Variants in MRPL13 observed in about 807,000 individuals in gnomAD.
The protein encoded by MRPL13 is mitochondrial ribosomal protein L13, also known as large ribosomal subunit protein uL13m.
In MRPL13, 33 loss-of-function variants were observed where a neutral mutation model predicts 29.0. That is an observed-to-expected ratio of 1.14 (90% CI 0.86 to 1.52). The LOEUF is 1.52. Among genes scored for constraint, MRPL13 ranks in the 40% most tolerant of loss-of-function variants. The probability of loss-of-function intolerance (pLI) is 0.00; values close to 1 mark genes in which losing one functional copy is unlikely to be tolerated. For synonymous variants in MRPL13, 77 were observed against 68.4 expected (o/e 1.13, Z -0.62); for missense variants, 227 against 216.7 (o/e 1.05, Z -0.30).
chr8:120,406,641 T>C (rs1425949799), intron 6 of MRPL13, among the ~76,000 whole-genome samples: 1 of 150,708 alleles, frequency 6.6e-6, no homozygotes, highest in Non-Finnish European at 1.5e-5. Flanking sequence ...ACAATTTATA[T>C]ATAGTATACT....
At chr8:120,400,741 T>TA (rs200517890) in intron 6 of MRPL13, among the ~76,000 whole-genome samples, 1 of 83,098 alleles carries the variant, frequency 1.2e-5, no homozygotes, top group African/African-American at 4.0e-5. Flanking sequence ...AATAAATAAA[T>TA]AAAAAAAATA....
At chr8:120,442,382 T>A (rs1349925279) in intron 2 of MRPL13, among the ~76,000 whole-genome samples, 1 of 152,196 alleles carries the variant, frequency 6.6e-6, no homozygotes, top group Non-Finnish European at 1.5e-5. Context: ...GATAGCAACA[T>A]TAATGTAATA....
At position 120,414,174 on chromosome 8, in the gene MRPL13, T is replaced by TTAGC. The variant is rs1182598165; in HGVS notation, c.394-63_394-62insGCTA. The TTAGC allele has an allele frequency of 1.7e-5, 20 of 1,165,662 alleles. No individual in the cohort carries two copies. The African/African-American group carries it at 3.0e-4, about 17-fold the overall frequency. 72.2% of individuals were successfully genotyped at this position (1,165,662 alleles called of 1,614,324 possible). A position where few individuals can be genotyped will look rare whatever the true frequency, so the allele number is the denominator to read the frequency against. ...AATATCTTTCTTAGCAATAAATTAC[T>TTAGC]AATACTTCATAAGTGTTAAAAAAAT... On this transcript the variant is annotated intron_variant, in intron 5 of 6. Transcript: ENST00000306185.
chr8:120,397,072 C>A (rs983598197), intron 6 of MRPL13, among the ~76,000 whole-genome samples: 4 of 152,126 alleles, frequency 2.6e-5, no homozygotes, highest in Admixed American at 1.3e-4. Context: ...GCCAAAGAAA[C>A]CCCCACTCCC....
At chr8:120,432,166 A>C (rs756432131) in intron 2 of MRPL13, 43 bp from the exon 3 acceptor site, 2 of 1,475,592 alleles carry the variant, frequency 1.4e-6, no homozygotes, top group Admixed American at 4.5e-5. Context: ...AAAAATAAAA[A>C]CCTTAAGAAA....
At chr8:120,427,123 A>G (rs922479946) in intron 3 of MRPL13, among the ~76,000 whole-genome samples, 1 of 152,164 alleles carries the variant, frequency 6.6e-6, no homozygotes, top group Non-Finnish European at 1.5e-5. Context: ...TGACATAAAA[A>G]TTTTGTTAAA....
intron 2 of MRPL13, among the ~76,000 whole-genome samples, chr8:120,442,908 A>G (rs1813140234): frequency 6.6e-6 from 1 of 152,150 alleles, no homozygotes; most frequent in African/African-American, 2.4e-5. Context: ...TCATGGGGCA[A>G]ATCAGGTTAT....
chr8:120,444,966 G>A, intron 1 of MRPL13, 102 bp downstream of exon 1: 1 of 1,531,080 alleles, frequency 6.5e-7, no homozygotes, highest in East Asian at 2.3e-5. Context: ...CGAGGGTCTC[G>A]GCTTCCCTGC....
At chr8:120,420,169 T>C (rs1347799750) in intron 4 of MRPL13, among the ~76,000 whole-genome samples, 1 of 151,840 alleles carries the variant, frequency 6.6e-6, no homozygotes, top group East Asian at 1.9e-4. Flanking sequence ...GAAAAAAGAT[T>C]AAAAGTAACC....
chr8:120,412,579 C>A (rs1003153958), intron 6 of MRPL13, among the ~76,000 whole-genome samples: 4 of 152,144 alleles, frequency 2.6e-5, no homozygotes, highest in South Asian at 4.1e-4. Context: ...AAGATTTGAA[C>A]CTTGGTTTGG....
intron 3 of MRPL13, 24 bp from the exon 4 acceptor site, chr8:120,425,390 A>G: frequency 6.5e-7 from 1 of 1,544,140 alleles, no homozygotes; most frequent in Non-Finnish European, 9.0e-7. Context: ...AAAAGACATT[A>G]AAACTGGGCA....
In MRPL13 at chr8:120,414,131, T is replaced by C; in HGVS notation, c.394-19A>G. 6 of 1,473,472 alleles carry C rather than the reference T, an allele frequency of 4.1e-6. No homozygotes were observed. Among genetic ancestry groups the C allele is most frequent in the Non-Finnish European group, 5.4e-6 (6 of 1,109,574 alleles). The allele number at this position is 1,473,472 out of a possible 1,614,324, so 91.3% of individuals were successfully genotyped here. On this transcript the variant is annotated intron_variant, in intron 5 of 6. Coordinates refer to ENST00000306185, the MANE Select transcript of MRPL13 (RefSeq NM_014078.6). ...GAATATACTACATTAAAAAAAAATTTAGACTTAATTTTCTTAAAATATCTT... is the reference window on the plus strand; with the variant it reads ...GAATATACTACATTAAAAAAAAATTCAGACTTAATTTTCTTAAAATATCTT...
intron 6 of MRPL13, among the ~76,000 whole-genome samples, chr8:120,406,756 T>G (rs1470314123): frequency 6.6e-6 from 1 of 152,154 alleles, no homozygotes; most frequent in African/African-American, 2.4e-5. Context: ...GGGAGATTAA[T>G]GAATCATCTA....
intron 5 of MRPL13, chr8:120,414,617 T>G (rs922870384): frequency 2.0e-5 from 3 of 152,234 alleles, no homozygotes; most frequent in African/African-American, 7.2e-5. Flanking sequence ...TTATAATTTT[T>G]AAAAAGTCAC....
Position 120,416,122 on chromosome 8 carries a change from G to C in MRPL13, c.394-2010C>G, listed in dbSNP as rs534642568. On this transcript the variant is annotated intron_variant, in intron 5 of 6. Coordinates refer to ENST00000306185, the MANE Select transcript of MRPL13 (RefSeq NM_014078.6). ...TAGGTATTACACATGAAACCAGGAA[G>C]AGGGAGAAGTACCTCCTTTAATGTG... The C allele has an allele frequency of 2.6e-5, 4 of 152,344 alleles. No individual in the cohort carries two copies. In the South Asian group the frequency reaches 8.3e-4, roughly 32 times the overall value. 9.4% of individuals were successfully genotyped at this position (152,344 alleles called of 1,614,324 possible). A position where few individuals can be genotyped will look rare whatever the true frequency, so the allele number is the denominator to read the frequency against.
chr8:120,444,835 C>T (rs374009513), intron 1 of MRPL13: 1 of 462,532 alleles, frequency 2.2e-6, no homozygotes, highest in Admixed American at 3.3e-5. Flanking sequence ...TTCCCCCCGC[C>T]CCCCCAAGAA....
In MRPL13 at chr8:120,421,244, T is replaced by C. The variant is rs191983981; in HGVS notation, c.307-1306A>G. On this transcript the variant is annotated intron_variant, in intron 4 of 6. Coordinates refer to ENST00000306185, the MANE Select transcript of MRPL13 (RefSeq NM_014078.6). The stretch of plus-strand genomic sequence containing the variant: ...CATGTTAGAAGAAAATATAAGGACA[T>C]AGAACCTCTTAAAGAAGCTAAAACA... Among the ~76,000 whole-genome samples the C allele has an allele frequency of 5.9e-5, 9 of 151,688 alleles. No individual in the cohort carries two copies. In the South Asian group the frequency reaches 1.0e-3, roughly 18 times the overall value.
intron 6 of MRPL13, among the ~76,000 whole-genome samples, chr8:120,397,505 G>A (rs975539752): frequency 6.6e-6 from 1 of 152,080 alleles, no homozygotes; most frequent in Non-Finnish European, 1.5e-5. Context: ...CCATTTCTGT[G>A]GTTAGGTCGA....
chr8:120,443,304 C>T lies in MRPL13; in HGVS notation c.32G>A (p.Trp11Ter). Residue 11 changes from tryptophan to a stop codon, truncating the protein, a stop_gained, in exon 2 of 7, where the codon TGG becomes TAG. Coordinates refer to ENST00000306185, the MANE Select transcript of MRPL13 (RefSeq NM_014078.6). LOFTEE classifies it high-confidence loss of function. MSSFSRAPQQ[W>*]ATFARIWYLL... ...ATACCATATTCTAGCAAAAGTGGCC[C>T]ATTGCTTGGGGGGGAAAAAAAAAAA... is the stretch of plus-strand genomic sequence containing the variant. The T allele has an allele frequency of 6.5e-7, 1 of 1,539,254 alleles. No homozygotes were observed. The highest frequency in any genetic ancestry group is 8.7e-7 in the Non-Finnish European group (1 of 1,149,658).
Sources: gnomAD v4.1 joint callset for allele counts (sites outside exome capture counted in the v4.1 genomes callset) on GRCh38, gnomAD v4.1.1 for gene constraint, MANE v1.5 for transcripts, NCBI Gene and HGNC (gene_info 2026-07-23, HGNC 2026-07-21) for gene names.